RAP1GDS1: variants seen among roughly 807,000 people sequenced by gnomAD.
RAP1GDS1 encodes the protein RAP1, GTP-GDP dissociation stimulator 1.
RAP1GDS1 carries 35 observed loss-of-function variants against 71.1 expected under a neutral mutation model. The ratio of observed to expected loss-of-function variants is 0.49; its 90% CI spans 0.38 to 0.65. The LOEUF (loss-of-function observed/expected upper bound fraction) is 0.65. RAP1GDS1 is among the 30% of genes least tolerant of loss of function. The pLI, the probability that RAP1GDS1 is intolerant of heterozygous loss-of-function variation, is 0.00. For synonymous variants in RAP1GDS1, 229 were observed against 243.1 expected, an observed-to-expected ratio of 0.94 and a Z score of 0.54; for missense variants, 663 against 706.1, an observed-to-expected ratio of 0.94 and a Z score of 0.69.
chr4:98,441,860 C>G (rs1751917199), intron 14 of RAP1GDS1, 130 bp from the exon 15 acceptor site: 3 of 1,014,066 alleles, frequency 3.0e-6, no homozygotes, highest in Admixed American at 2.9e-5. Flanking sequence ...TAGGCTACTG[C>G]TATGTCTTTT....
intron 11 of RAP1GDS1, 34 bp downstream of exon 11, chr4:98,420,178 CAT>C: frequency 2.0e-6 from 3 of 1,479,178 alleles, no homozygotes; most frequent in Non-Finnish European, 2.7e-6. Context: ...TTGCATTTTT[CAT>C]ATGATAGTCT....
At position 98,419,069 on chromosome 4, in the gene RAP1GDS1, A is replaced by G. The variant is rs181868341; in HGVS notation, c.1174+278A>G. ...CATGTTTTATAGTTAAGCTTTTTTA[A>G]GTTTGAGATGGGGTCTCACTCTGTC... On this transcript the variant is annotated intron_variant, in intron 10 of 14. Transcript: ENST00000408927. Among the ~76,000 whole-genome samples the G allele has an allele frequency of 2.7e-3, 405 of 152,244 alleles. 3 individuals are homozygous for G. The highest frequency in any genetic ancestry group is 9.4e-3 in the African/African-American group (392 of 41,548).
At chr4:98,414,332 G>A (rs1349227428) in intron 7 of RAP1GDS1, among the ~76,000 whole-genome samples, 1 of 137,510 alleles carries the variant, frequency 7.3e-6, no homozygotes, top group Non-Finnish European at 1.5e-5. Context: ...TTTCTTCTAG[G>A]GTTTTTATGG....
intron 1 of RAP1GDS1, among the ~76,000 whole-genome samples, chr4:98,263,846 G>T (rs1447447463): frequency 1.3e-5 from 2 of 152,162 alleles, no homozygotes; most frequent in African/African-American, 4.8e-5. Context: ...ATTGTACCAT[G>T]CCTCCCAGTA....
intron 1 of RAP1GDS1, among the ~76,000 whole-genome samples, chr4:98,278,569 T>A (rs113200959): frequency 3.3e-5 from 5 of 152,346 alleles, no homozygotes; most frequent in African/African-American, 1.2e-4. Context: ...CAGAATGATA[T>A]AAGAAATCAT....
intron 14 of RAP1GDS1, chr4:98,441,323 T>C (rs1196399103): frequency 1.0e-6 from 1 of 980,780 alleles, no homozygotes; most frequent in African/African-American, 1.8e-5. Context: ...TAATTGAAGT[T>C]AAATAGAGAA....
chr4:98,353,005 C>T (rs144338651), intron 4 of RAP1GDS1, among the ~76,000 whole-genome samples: 63 of 152,248 alleles, frequency 4.1e-4, no homozygotes, highest in East Asian at 3.9e-3. Context: ...ATTTGCAGTT[C>T]GGTAAAACCA....
intron 12 of RAP1GDS1, among the ~76,000 whole-genome samples, chr4:98,423,368 G>A (rs903373954): frequency 1.8e-4 from 28 of 152,338 alleles, no homozygotes; most frequent in Non-Finnish European, 1.5e-4. Context: ...AGAACACAGA[G>A]TGTAGAAAGA....
chr4:98,324,733 A>C (rs1194643814), intron 2 of RAP1GDS1, among the ~76,000 whole-genome samples: 1 of 144,376 alleles, frequency 6.9e-6, no homozygotes, highest in African/African-American at 2.6e-5. Context: ...GAAAGCTGAA[A>C]CTGGATCCCT....
chr4:98,432,904 T>C (rs2110215206), intron 12 of RAP1GDS1, among the ~76,000 whole-genome samples: 1 of 152,316 alleles, frequency 6.6e-6, no homozygotes, highest in African/African-American at 2.4e-5. Context: ...ACATTTTTTT[T>C]TTCATCTAAC....
intron 11 of RAP1GDS1, among the ~76,000 whole-genome samples, chr4:98,420,998 C>G (rs1165766405): frequency 6.6e-6 from 1 of 152,174 alleles, no homozygotes; most frequent in African/African-American, 2.4e-5. Flanking sequence ...GCATTATAGT[C>G]CGCCAGAGCA....
chr4:98,347,401 G>T (rs1736445964), intron 3 of RAP1GDS1, among the ~76,000 whole-genome samples: 2 of 152,010 alleles, frequency 1.3e-5, no homozygotes, highest in African/African-American at 4.8e-5. Flanking sequence ...ACAGTCAAAG[G>T]GAAAAACATT....
At chr4:98,261,775 G>T in intron 1 of RAP1GDS1, 1 of 543,938 alleles carries the variant, frequency 1.8e-6, no homozygotes, top group South Asian at 4.6e-5. Flanking sequence ...GGGCTGGGGT[G>T]GGGTCGGCCG....
intron 3 of RAP1GDS1, among the ~76,000 whole-genome samples, chr4:98,350,644 C>T (rs537693430): frequency 6.0e-4 from 91 of 152,242 alleles, no homozygotes; most frequent in Middle Eastern, 3.4e-3. Flanking sequence ...TCAAGACCAG[C>T]GTGGCCAACA....
intron 2 of RAP1GDS1, among the ~76,000 whole-genome samples, chr4:98,329,801 A>T (rs893003583): frequency 6.6e-6 from 1 of 151,440 alleles, no homozygotes; most frequent in African/African-American, 2.4e-5. Flanking sequence ...AAAAAAAAAA[A>T]AAAAAAAAAA....
At chr4:98,426,757 C>G (rs760391596) in intron 12 of RAP1GDS1, among the ~76,000 whole-genome samples, 6 of 152,018 alleles carry the variant, frequency 3.9e-5, no homozygotes, top group Non-Finnish European at 8.8e-5. Flanking sequence ...AGTCCAGGAC[C>G]AGACAGATTC....
intron 4 of RAP1GDS1, among the ~76,000 whole-genome samples, chr4:98,376,636 A>G (rs1560924682): frequency 6.6e-6 from 1 of 152,070 alleles, no homozygotes; most frequent in Admixed American, 6.6e-5. Context: ...TGACTTGTCC[A>G]AAGAAAGAAA....
At chr4:98,392,116 TTATTAATGTGCTTAC>T in intron 6 of RAP1GDS1, 36 bp downstream of exon 6, 1 of 1,572,022 alleles carries the variant, frequency 6.4e-7, no homozygotes, top group South Asian at 1.2e-5. Context: ...TGTAATTAAC[TTATTAATGTGCTTAC>T]AATAAATTTT....
At chr4:98,405,898 T>G (rs1388618212) in intron 7 of RAP1GDS1, among the ~76,000 whole-genome samples, 1 of 151,988 alleles carries the variant, frequency 6.6e-6, no homozygotes, top group Non-Finnish European at 1.5e-5. Flanking sequence ...ATTGTGAAGT[T>G]TACAATGTAC....
Sources: allele counts gnomAD v4.1 joint callset (sites outside exome capture counted in the v4.1 genomes callset), GRCh38; gene constraint gnomAD v4.1.1; transcripts MANE v1.5; gene names NCBI Gene and HGNC (gene_info 2026-07-23, HGNC 2026-07-21).